C18orf54: variants seen among roughly 807,000 people sequenced by gnomAD.
C18orf54 encodes the protein chromosome 18 open reading frame 54.
In C18orf54, 49 loss-of-function variants were observed where a neutral mutation model predicts 49.3. The observed-to-expected ratio is 0.99, with a 90% CI of 0.79 to 1.26. The LOEUF is 1.26. Among genes scored for constraint, C18orf54 ranks in the 50% most tolerant of loss-of-function variants. The pLI is 0.00. For missense variants in C18orf54, 687 were observed against 620.6 expected, an observed-to-expected ratio of 1.11 and a Z score of -1.14; for synonymous variants, 211 against 216.6, an observed-to-expected ratio of 0.97 and a Z score of 0.23.
At chr18:54,359,787 A>G (rs1169201352) in intron 2 of C18orf54, among the ~76,000 whole-genome samples, 1 of 152,128 alleles carries the variant, frequency 6.6e-6, no homozygotes, top group Non-Finnish European at 1.5e-5. Flanking sequence ...GATTCTCTCA[A>G]TTTTAATAAT....
intron 2 of C18orf54, among the ~76,000 whole-genome samples, chr18:54,359,141 G>A (rs1038968175): frequency 6.6e-6 from 1 of 152,156 alleles, no homozygotes; most frequent in African/African-American, 2.4e-5. Context: ...ACTAGTAAAT[G>A]TTATCACCCA....
At chr18:54,375,712 T>C (rs1395511670) in intron 8 of C18orf54, among the ~76,000 whole-genome samples, 2 of 152,004 alleles carry the variant, frequency 1.3e-5, no homozygotes, top group Admixed American at 6.6e-5. Flanking sequence ...TAACTTTTTT[T>C]CTACTATAAG....
Position 54,360,744 on chromosome 18 carries a change from G to A in C18orf54, c.172G>A (p.Asp58Asn), listed in dbSNP as rs1265391939. ...TCAAGCTCTACAGGCTTATATTGAT[G>A]ATTTTGATCTAGGCCAAATATATCC... Reference protein sequence around the residue: ...ASQALQAYIDDFDLGQIYPGA... With the variant: ...ASQALQAYIDNFDLGQIYPGA... Residue 58 changes from aspartate to asparagine, a missense_variant, in exon 3 of 9, where the codon GAT becomes AAT. Coordinates refer to ENST00000620105, the MANE Select transcript of C18orf54 (RefSeq NM_001288980.2). 1.2e-6 allele frequency: 2 copies of A among 1,613,872 alleles called. No individual in the cohort carries two copies. Among genetic ancestry groups the A allele is most frequent in the Non-Finnish European group, 1.7e-6 (2 of 1,179,918 alleles).
chr18:54,360,524 C>T lies in C18orf54; in HGVS notation c.-46-3C>T. On this transcript the variant is annotated splice_region_variant and splice_polypyrimidine_tract_variant and intron_variant, in intron 2 of 8. Transcript: ENST00000620105. Reference sequence around the variant, plus strand: ...ATCTTAACATTTCGTTTTTGTATTACAGTTGTTTTTAAGGGAAATGAATAG... The same window carrying T: ...ATCTTAACATTTCGTTTTTGTATTATAGTTGTTTTTAAGGGAAATGAATAG... 1 of 1,578,296 alleles carries T rather than the reference C, an allele frequency of 6.3e-7. No homozygotes were observed. Among genetic ancestry groups the T allele is most frequent in the Admixed American group, 1.8e-5 (1 of 56,148 alleles).
Sources: gnomAD v4.1 joint callset for allele counts (sites outside exome capture counted in the v4.1 genomes callset) on GRCh38, gnomAD v4.1.1 for gene constraint, MANE v1.5 for transcripts, NCBI Gene and HGNC (gene_info 2026-07-23, HGNC 2026-07-21) for gene names.